Variants in KCNV1 observed in about 807,000 individuals in gnomAD.
The protein encoded by KCNV1 is potassium voltage-gated channel subfamily V member 1.
Under a neutral mutation model 36.4 loss-of-function variants are expected in KCNV1, and 2 were observed. The ratio of observed to expected loss-of-function variants is 0.05; its 90% CI spans 0.02 to 0.17. The LOEUF (loss-of-function observed/expected upper bound fraction) is 0.17, where lower values mean the gene tolerates loss of function less well. Ranked by LOEUF, KCNV1 falls within the 10% of genes least tolerant of loss-of-function variation. KCNV1 has a pLI of 1.00. For missense variants in KCNV1, 321 were observed against 643.6 expected, an observed-to-expected ratio of 0.50 and a Z score of 5.42; for synonymous variants, 280 against 261.1, an observed-to-expected ratio of 1.07 and a Z score of -0.70.
rs1217973164 is a variant in KCNV1 at position 109,965,402 on chromosome 8, T to G, written c.*2686A>C. On this transcript the variant is annotated 3_prime_UTR_variant, in exon 4 of 4. Coordinates refer to ENST00000524391, the MANE Select transcript of KCNV1 (RefSeq NM_014379.4). ...GGCAGAGTTCCTGCCTTGATTTTTT[T>G]ACCTAAATGAAATTTGGTTTGCTTA... 1 of 152,236 alleles carries G rather than the reference T, an allele frequency of 6.6e-6. No homozygotes were observed. The highest frequency in any genetic ancestry group is 1.5e-5 in the Non-Finnish European group (1 of 68,036). The allele number at this position is 152,236 out of a possible 1,614,324, so 9.4% of individuals were successfully genotyped here.
intron 3 of KCNV1, among the ~76,000 whole-genome samples, chr8:109,971,137 A>G (rs1224092745): frequency 6.6e-6 from 1 of 152,230 alleles, no homozygotes; most frequent in African/African-American, 2.4e-5. Context: ...GGATAGTGAT[A>G]TCTAGCCAAT....
rs1249401083 is a variant in KCNV1, at chr8:109,972,545, C to G, written c.704G>C (p.Ser235Thr). 8.7e-6 allele frequency: 14 copies of G among 1,614,112 alleles called. No individual in the cohort carries two copies. The highest frequency in any genetic ancestry group is 1.2e-5 in the Non-Finnish European group (14 of 1,180,060). ...TTCCAGCAGCTGCAGGTCCAGCCAG[C>G]TTAACTCAGCTGACATCAGGGCCAT... ...INMALMSAEL[S>T]WLDLQLLEIL... Residue 235 changes from serine to threonine, a missense_variant, in exon 3 of 4, where the codon AGC becomes ACC. Coordinates refer to ENST00000524391, the MANE Select transcript of KCNV1 (RefSeq NM_014379.4). The surrounding 1 kb of genome is among the most constrained non-coding windows in gnomAD (Gnocchi z 5.2).
chr8:109,971,585 G>A (rs735913), intron 3 of KCNV1, among the ~76,000 whole-genome samples: 14,398 of 151,956 alleles, frequency 0.095, 1,806 homozygotes, highest in African/African-American at 0.29. Context: ...CAAAGGCTCT[G>A]TGATACACAA....
rs750034873 is a variant in KCNV1, at chr8:109,972,460, A to G, written c.789T>C (p.Cys263=). The G allele has an allele frequency of 4.7e-5, 76 of 1,614,040 alleles. No individual in the cohort carries two copies. The highest frequency in any genetic ancestry group is 3.8e-5 in the Non-Finnish European group (45 of 1,180,052). Reference sequence around the variant, plus strand: ...TTAGGAAGCGACACCTGTCCCGCACACACAGGAAGCGGAGGACAAACTCCC... The same window carrying G: ...TTAGGAAGCGACACCTGTCCCGCACGCACAGGAAGCGGAGGACAAACTCCC... ...FTGEFVLRFL[C]VRDRCRFLRK... is the part of the protein sequence containing the mutation. The change falls in exon 3 of 4, where the codon TGT becomes TGC. Residue 263 remains cysteine, a synonymous_variant. Coordinates refer to ENST00000524391, the MANE Select transcript of KCNV1 (RefSeq NM_014379.4). This position sits in a 1 kb window ranked among gnomAD's most constrained non-coding sequence, Gnocchi z 5.2.
rs567096371 is a variant in KCNV1, at chr8:109,974,599, A to G, written c.-211T>C. 8.5e-6 allele frequency: 5 copies of G among 586,006 alleles called. No individual in the cohort carries two copies. The Admixed American group carries it at 9.6e-5, about 11-fold the overall frequency. 36.3% of individuals were successfully genotyped at this position (586,006 alleles called of 1,614,324 possible). A position where few individuals can be genotyped will look rare whatever the true frequency, so the allele number is the denominator to read the frequency against. On this transcript the variant is annotated 5_prime_UTR_variant, in exon 2 of 4. Transcript: ENST00000524391. The surrounding 1 kb of genome is among the most constrained non-coding windows in gnomAD (Gnocchi z 6.2). ...AGCCGGGAGTGCGCGGAAGCAGCGC[A>G]CAAGTGGCAGAAAGAGGAGACAGGG...
chr8:109,969,207 A>G (rs1819980407), intron 3 of KCNV1, among the ~76,000 whole-genome samples: 1 of 152,222 alleles, frequency 6.6e-6, no homozygotes, highest in African/African-American at 2.4e-5. Context: ...TAAAATTGAC[A>G]TGAGAACATC....
Position 109,964,362 on chromosome 8 carries a change from G to A in KCNV1, c.*3726C>T, listed in dbSNP as rs565801598. 21 of 151,628 alleles carry A rather than the reference G, an allele frequency of 1.4e-4. No homozygotes were observed. Among genetic ancestry groups the A allele is most frequent in the African/African-American group, 1.9e-4 (8 of 41,310 alleles). 9.4% of individuals were successfully genotyped at this position (151,628 alleles called of 1,614,324 possible). ...CAAAAAAAAAAAAGCAGATGCTGGC[G>A]AAGTTATGGAGCAATTGGAACGCAT... On this transcript the variant is annotated 3_prime_UTR_variant, in exon 4 of 4. Transcript: ENST00000524391.
chr8:109,973,192 G>C (rs1004913886), intron 2 of KCNV1, among the ~76,000 whole-genome samples: 8 of 152,044 alleles, frequency 5.3e-5, no homozygotes, highest in Non-Finnish European at 8.8e-5. Flanking sequence ...TGTTGTCCAG[G>C]GGGGGTCTCG....
At position 109,964,002 on chromosome 8, in the gene KCNV1, G is replaced by T. The variant is rs1819916561; in HGVS notation, c.*4086C>A. 1 of 152,072 alleles carries T rather than the reference G, an allele frequency of 6.6e-6. No homozygotes were observed. The highest frequency in any genetic ancestry group is 2.4e-5 in the African/African-American group (1 of 41,416). The allele number at this position is 152,072 out of a possible 1,614,324, so 9.4% of individuals were successfully genotyped here. On this transcript the variant is annotated 3_prime_UTR_variant, in exon 4 of 4. Coordinates refer to ENST00000524391, the MANE Select transcript of KCNV1 (RefSeq NM_014379.4). Reference sequence around the variant, plus strand: ...AACGAAAGCAAAAATTGGCAAATGGGATCTAATTAAACTCTAGAGCTTTGT... The same window carrying T: ...AACGAAAGCAAAAATTGGCAAATGGTATCTAATTAAACTCTAGAGCTTTGT...
At position 109,972,583 on chromosome 8, in the gene KCNV1, C is replaced by A. The variant is rs370660131; in HGVS notation, c.666G>T (p.Val222=). The A allele has an allele frequency of 9.5e-5, 154 of 1,614,080 alleles. No individual in the cohort carries two copies. Among genetic ancestry groups the A allele is most frequent in the Non-Finnish European group, 1.2e-4 (143 of 1,180,040 alleles). The part of the protein sequence containing the change: ...FGVISIIFVV[V]SIINMALMSA... ...ACATCAGGGCCATGTTAATGATGGA[C>A]ACCACCACGAAGATAATGGAGATGA... The change falls in exon 3 of 4, where the codon GTG becomes GTT. Residue 222 remains valine, a synonymous_variant. Transcript: ENST00000524391. This position sits in a 1 kb window ranked among gnomAD's most constrained non-coding sequence, Gnocchi z 5.2.
At position 109,974,503 on chromosome 8, in the gene KCNV1, C is replaced by G; in HGVS notation, c.-115G>C. 1.4e-6 allele frequency: 1 copy of G among 728,152 alleles called. No individual in the cohort carries two copies. Among genetic ancestry groups the G allele is most frequent in the Non-Finnish European group, 2.2e-6 (1 of 455,070 alleles). The allele number at this position is 728,152 out of a possible 1,614,324, so 45.1% of individuals were successfully genotyped here. On this transcript the variant is annotated 5_prime_UTR_variant, in exon 2 of 4. Transcript: ENST00000524391. The surrounding 1 kb of genome is among the most constrained non-coding windows in gnomAD (Gnocchi z 6.2). Reference sequence around the variant, plus strand: ...GGTGGCGGCCGGGATTCCCCGGGCTCCCGAAGGGGTTACCTCTCCTTGGCG... The same window carrying G: ...GGTGGCGGCCGGGATTCCCCGGGCTGCCGAAGGGGTTACCTCTCCTTGGCG...
rs552020509 is a variant in KCNV1, at chr8:109,972,156, A to G, written c.991+102T>C. 4.6e-5 allele frequency: 56 copies of G among 1,213,550 alleles called. No homozygotes were observed. The African/African-American group carries it at 7.0e-4, about 15-fold the overall frequency. The allele number at this position is 1,213,550 out of a possible 1,614,324, so 75.2% of individuals were successfully genotyped here. Reference sequence around the variant, plus strand: ...GATCAGGTAAAGTATGGGAGTTGGTAATTTTGAATATCAGTTCAGCGTTAC... The same window carrying G: ...GATCAGGTAAAGTATGGGAGTTGGTGATTTTGAATATCAGTTCAGCGTTAC... On this transcript the variant is annotated intron_variant, in intron 3 of 3. Coordinates refer to ENST00000524391, the MANE Select transcript of KCNV1 (RefSeq NM_014379.4). This position sits in a 1 kb window ranked among gnomAD's most constrained non-coding sequence, Gnocchi z 5.2.
rs781447839 is a variant in KCNV1, at chr8:109,968,360, T to C, written c.1231A>G (p.Met411Val). 4 of 1,614,186 alleles carry C rather than the reference T, an allele frequency of 2.5e-6. No individual in the cohort carries two copies. Among genetic ancestry groups the C allele is most frequent in the Admixed American group, 1.7e-5 (1 of 60,028 alleles). ...DTTTGKIVAF[M>V]CILSGILVLA... ...ACAAGAATTCCCGATAATATACACA[T>C]GAAGGCCACGATTTTGCCTGTGGTG... The change falls in exon 4 of 4, where the codon ATG becomes GTG. Residue 411 changes from methionine (M) to valine (V), a missense_variant. By Grantham distance (21) the Met-to-Val change is conservative. Around this residue, in one of 5 missense-constraint regions of KCNV1, gnomAD observed 36 missense variants for 130.5 expected, o/e 0.28. Coordinates refer to ENST00000524391, the MANE Select transcript of KCNV1 (RefSeq NM_014379.4). The surrounding 1 kb of genome is among the most constrained non-coding windows in gnomAD (Gnocchi z 5.3).
rs118081051 is a variant in KCNV1 at position 109,971,453 on chromosome 8, C to A, written c.991+805G>T. Among the ~76,000 whole-genome samples, 1,274 of 152,144 alleles carry A rather than the reference C, an allele frequency of 8.4e-3. 8 individuals are homozygous for A. Among genetic ancestry groups the A allele is most frequent in the Non-Finnish European group, 0.015 (1,013 of 67,998 alleles). ...CTGATAACTACTACTGTTGGGGATGCAAGAATCATTTTTAATCAGTTCCTG... is the reference window on the plus strand; with the variant it reads ...CTGATAACTACTACTGTTGGGGATGAAAGAATCATTTTTAATCAGTTCCTG... On this transcript the variant is annotated intron_variant, in intron 3 of 3. Coordinates refer to ENST00000524391, the MANE Select transcript of KCNV1 (RefSeq NM_014379.4).
Position 109,968,593 on chromosome 8 carries a change from C to T in KCNV1, c.998G>A (p.Arg333His). The T allele has an allele frequency of 6.3e-7, 1 of 1,578,800 alleles. No homozygotes were observed. Among genetic ancestry groups the T allele is most frequent in the Non-Finnish European group, 8.6e-7 (1 of 1,156,216 alleles). ...CTGGGTGATTGTCATCCCAAGGGAG[C>T]GTAATCCTGCAACAGAACAAATGCT... Reference protein sequence around the residue: ...LKLGRHSTGLRSLGMTITQCY... With the variant: ...LKLGRHSTGLHSLGMTITQCY... Residue 333 changes from arginine to histidine, a missense_variant, in exon 4 of 4, where the codon CGC (arginine) becomes CAC (histidine). Arg to His is a conservative substitution (Grantham distance 29, BLOSUM62 0). Around this residue, in one of 5 missense-constraint regions of KCNV1, gnomAD observed 141 missense variants for 225.0 expected, o/e 0.63. Transcript: ENST00000524391. The surrounding 1 kb of genome is among the most constrained non-coding windows in gnomAD (Gnocchi z 5.3).
In KCNV1 at chr8:109,974,498, G is replaced by A. The variant is rs181155062; in HGVS notation, c.-110C>T. The A allele has an allele frequency of 2.6e-6, 2 of 783,834 alleles. No homozygotes were observed. The highest frequency in any genetic ancestry group is 3.7e-5 in the South Asian group (2 of 53,912). The allele number at this position is 783,834 out of a possible 1,614,324, so 48.6% of individuals were successfully genotyped here. A position where few individuals can be genotyped will look rare whatever the true frequency, so the allele number is the denominator to read the frequency against. On this transcript the variant is annotated 5_prime_UTR_variant, in exon 2 of 4. Transcript: ENST00000524391. The surrounding 1 kb of genome is among the most constrained non-coding windows in gnomAD (Gnocchi z 6.2). ...CCCCTGGTGGCGGCCGGGATTCCCCGGGCTCCCGAAGGGGTTACCTCTCCT... is the reference window on the plus strand; with the variant it reads ...CCCCTGGTGGCGGCCGGGATTCCCCAGGCTCCCGAAGGGGTTACCTCTCCT...
chr8:109,973,223 C>T (rs1206083620), intron 2 of KCNV1, among the ~76,000 whole-genome samples: 1 of 152,164 alleles, frequency 6.6e-6, no homozygotes, highest in Non-Finnish European at 1.5e-5. Context: ...CTCAAGTGAT[C>T]CACCCGCCTC....
rs1393923820 is a variant in KCNV1 at position 109,967,646 on chromosome 8, A to T, written c.*442T>A. On this transcript the variant is annotated 3_prime_UTR_variant, in exon 4 of 4. Coordinates refer to ENST00000524391, the MANE Select transcript of KCNV1 (RefSeq NM_014379.4). ...AGAACGGAGTAATTTATGTACTTGG[A>T]TAATATCTTTAAATAGCAAAGTTGT... 1 of 161,044 alleles carries T rather than the reference A, an allele frequency of 6.2e-6. No homozygotes were observed. The highest frequency in any genetic ancestry group is 1.8e-4 in the East Asian group (1 of 5,684). The allele number at this position is 161,044 out of a possible 1,614,324, so 10.0% of individuals were successfully genotyped here.
In KCNV1 at chr8:109,974,273, TC is replaced by T. The variant is rs1343892528; in HGVS notation, c.115del (p.Asp39ThrfsTer123). ...GCCGCCCACGTTGACCGTGAAGCAG[TC>T]CCCGAGCGCCAAGGGCTCCCCTTCA... ...EGEGEPLALG[D>X]CFTVNVGGSR... On this transcript the variant is annotated frameshift_variant, in exon 2 of 4. Coordinates refer to ENST00000524391, the MANE Select transcript of KCNV1 (RefSeq NM_014379.4). LOFTEE classifies it high-confidence loss of function. The surrounding 1 kb of genome is among the most constrained non-coding windows in gnomAD (Gnocchi z 6.2). 1 of 1,550,888 alleles carries T rather than the reference TC, an allele frequency of 6.4e-7. No homozygotes were observed.
Sources: gnomAD v4.1 joint callset for allele counts (sites outside exome capture counted in the v4.1 genomes callset) on GRCh38, gnomAD v4.1.1 for gene constraint, gnomAD v4.1.1 regional missense constraint, Gnocchi (gnomAD v3.1) non-coding constraint, MANE v1.5 for transcripts, NCBI Gene and HGNC (gene_info 2026-07-23, HGNC 2026-07-21) for gene names.